QRICH1: variants seen among roughly 807,000 people sequenced by gnomAD.
QRICH1 encodes transcriptional regulator QRICH1.
QRICH1 carries 16 observed loss-of-function variants against 87.1 expected under a neutral mutation model. That is an observed-to-expected ratio of 0.18 (90% confidence interval 0.12 to 0.28). QRICH1 has a LOEUF of 0.28. Among genes scored for constraint, QRICH1 ranks in the 10% least tolerant of loss-of-function variants. The pLI is 1.00. For synonymous variants in QRICH1, 367 were observed against 368.4 expected (o/e 1.00, Z 0.05); for missense variants, 647 against 951.7 (o/e 0.68, Z 4.21).
Position 49,047,541 on chromosome 3 carries a change from T to C in QRICH1, c.1339-295A>G, listed in dbSNP as rs142885537. Among the ~76,000 whole-genome samples, 430 of 146,284 alleles carry C rather than the reference T, an allele frequency of 2.9e-3. 4 individuals carry two copies. Among genetic ancestry groups the C allele is most frequent in the Non-Finnish European group, 4.7e-3 (318 of 67,074 alleles). On this transcript the variant is annotated intron_variant, in intron 3 of 9. Coordinates refer to ENST00000395443, the MANE Select transcript of QRICH1 (RefSeq NM_198880.3). ...TCTTGTTGCTCAGGCTGGAGTGCAA[T>C]GGCGCAATCTCAGCTCACTGCACCC...
At chr3:49,036,677 CA>C (rs2093276750) in intron 6 of QRICH1, among the ~76,000 whole-genome samples, 1 of 127,048 alleles carries the variant, frequency 7.9e-6, no homozygotes. Flanking sequence ...ACTGGCTAAG[CA>C]AAGAAAAAAA....
At chr3:49,032,416 C>T (rs2093246798) in intron 8 of QRICH1, 143 bp from the exon 9 acceptor site, 4 of 842,936 alleles carry the variant, frequency 4.7e-6, no homozygotes, top group Non-Finnish European at 7.5e-6. Context: ...TGGGCAGTGA[C>T]TACTAAGGGA....
chr3:49,043,080 A>G (rs1559928558), intron 6 of QRICH1, among the ~76,000 whole-genome samples: 1 of 152,218 alleles, frequency 6.6e-6, no homozygotes, highest in Non-Finnish European at 1.5e-5. Context: ...CAAATGTACC[A>G]TACTAACGCA....
At chr3:49,031,394 A>G (rs963869826) in intron 9 of QRICH1, among the ~76,000 whole-genome samples, 1 of 152,118 alleles carries the variant, frequency 6.6e-6, no homozygotes, top group African/African-American at 2.4e-5. Context: ...AGTACTTGGC[A>G]TGCTGTATCC....
At chr3:49,087,353 A>G (rs1575386196) in intron 1 of QRICH1, among the ~76,000 whole-genome samples, 1 of 151,956 alleles carries the variant, frequency 6.6e-6, no homozygotes, top group Non-Finnish European at 1.5e-5. Context: ...GGAGTTTGAG[A>G]CCAGCCTAGC....
intron 6 of QRICH1, among the ~76,000 whole-genome samples, chr3:49,035,911 CA>C (rs761180733): frequency 0.015 from 930 of 60,012 alleles, 9 homozygotes; most frequent in African/African-American, 0.042. Context: ...CCCATTTCTA[CA>C]AAAAAAAAAA....
chr3:49,032,137 C>T lies in QRICH1; in HGVS notation c.2138+46G>A, dbSNP rs762337312. 7 of 1,435,224 alleles carry T rather than the reference C, an allele frequency of 4.9e-6. No individual in the cohort carries two copies. In the Admixed American group the frequency reaches 8.4e-5, roughly 17 times the overall value. 88.9% of individuals were successfully genotyped at this position (1,435,224 alleles called of 1,614,324 possible). A position where few individuals can be genotyped will look rare whatever the true frequency, so the allele number is the denominator to read the frequency against. On this transcript the variant is annotated intron_variant, in intron 9 of 9. Transcript: ENST00000395443. ...ACACAAGTGAGCATGCACACGCATA[C>T]ACACACATGCGCACACATGGACAGC...
In QRICH1 at chr3:49,033,159, G is replaced by A; in HGVS notation, c.1856C>T (p.Pro619Leu). The change falls in exon 7 of 10, where the codon CCC (proline) becomes CTC (leucine). Residue 619 changes from proline to leucine, a missense_variant. Pro to Leu is a moderately conservative substitution (Grantham distance 98). Transcript: ENST00000395443. ...CATGAGGGTGGTCAGCAAGGTGGAGGGGGAGTGAGCCCCAAGCTGCTTGCA... is the reference window on the plus strand; with the variant it reads ...CATGAGGGTGGTCAGCAAGGTGGAGAGGGAGTGAGCCCCAAGCTGCTTGCA... Reference protein sequence around the residue: ...WECKQLGAHSPSTLLTTLMFF... With the variant: ...WECKQLGAHSLSTLLTTLMFF... 1 of 1,581,798 alleles carries A rather than the reference G, an allele frequency of 6.3e-7. No individual in the cohort carries two copies. The highest frequency in any genetic ancestry group is 8.6e-7 in the Non-Finnish European group (1 of 1,165,862).
chr3:49,077,880 A>G (rs1347168709), intron 1 of QRICH1, among the ~76,000 whole-genome samples: 1 of 152,224 alleles, frequency 6.6e-6, no homozygotes, highest in Non-Finnish European at 1.5e-5. Context: ...TATCCAGGTC[A>G]CTACTAAAAT....
intron 2 of QRICH1, among the ~76,000 whole-genome samples, chr3:49,059,482 T>C (rs1277845212): frequency 6.9e-6 from 1 of 144,864 alleles, no homozygotes; most frequent in African/African-American, 2.6e-5. Flanking sequence ...TGCAGTAGTA[T>C]GATCTCAGCT....
intron 6 of QRICH1, among the ~76,000 whole-genome samples, chr3:49,038,292 A>C (rs892149897): frequency 6.6e-6 from 1 of 151,838 alleles, no homozygotes; most frequent in Non-Finnish European, 1.5e-5. Flanking sequence ...CGATCTCCTG[A>C]ACTCATGATC....
chr3:49,047,209 G>A lies in QRICH1; in HGVS notation c.1376C>T (p.Ser459Leu). ...TVQVAEVEPQ[S>L]QPQPSPELLL... ...AAGTTCTGGGGAAGGCTGTGGCTGT[G>A]ACTGTGGTTCAACTTCAGCAACCTG... The change falls in exon 4 of 10, where the codon TCA (serine) becomes TTA (leucine). Residue 459 changes from serine to leucine, a missense_variant. By Grantham distance (145) the Ser-to-Leu change is moderately radical. Around this residue, in one of 7 missense-constraint regions of QRICH1, gnomAD observed 187 missense variants for 309.5 expected, o/e 0.60. Transcript: ENST00000395443. The A allele has an allele frequency of 1.2e-6, 2 of 1,614,158 alleles. No individual in the cohort carries two copies. The highest frequency in any genetic ancestry group is 1.7e-5 in the Admixed American group (1 of 60,002).
intron 3 of QRICH1, chr3:49,056,637 A>T: frequency 1.2e-6 from 1 of 815,926 alleles, no homozygotes; most frequent in African/African-American, 1.7e-5. Flanking sequence ...CCAAAACTCC[A>T]AAGCAATTCC....
intron 1 of QRICH1, among the ~76,000 whole-genome samples, chr3:49,082,894 C>CA (rs76269302): frequency 2.7e-3 from 209 of 77,204 alleles, no homozygotes; most frequent in African/African-American, 3.7e-3. Flanking sequence ...GACTGCGTCT[C>CA]AAAAAAAAAA....
chr3:49,066,424 T>C (rs956790418), intron 2 of QRICH1, among the ~76,000 whole-genome samples: 1 of 152,158 alleles, frequency 6.6e-6, no homozygotes, highest in Non-Finnish European at 1.5e-5. Context: ...ATAGCTCATA[T>C]GCTTCATGCT....
intron 2 of QRICH1, among the ~76,000 whole-genome samples, chr3:49,063,247 T>C (rs1245472814): frequency 1.3e-5 from 2 of 152,220 alleles, no homozygotes; most frequent in Non-Finnish European, 1.5e-5. Context: ...ATTATTTCCT[T>C]GCACCAGTGG....
At chr3:49,041,189 T>C (rs2093307787) in intron 6 of QRICH1, among the ~76,000 whole-genome samples, 1 of 151,956 alleles carries the variant, frequency 6.6e-6, no homozygotes, top group African/African-American at 2.4e-5. Flanking sequence ...AGGCTGGTCT[T>C]GAACTCCCGA....
chr3:49,039,348 A>C (rs1398243487), intron 6 of QRICH1, among the ~76,000 whole-genome samples: 2 of 151,720 alleles, frequency 1.3e-5, no homozygotes, highest in Non-Finnish European at 2.9e-5. Context: ...CAGAGTGAGG[A>C]TCTGTCTCAA....
At chr3:49,048,190 T>C (rs1021305509) in intron 3 of QRICH1, among the ~76,000 whole-genome samples, 6 of 151,316 alleles carry the variant, frequency 4.0e-5, no homozygotes, top group Non-Finnish European at 8.8e-5. Flanking sequence ...TGGAGTGCAA[T>C]GGCAGGATCT....
Sources: allele counts gnomAD v4.1 joint callset (sites outside exome capture counted in the v4.1 genomes callset), GRCh38; gene constraint gnomAD v4.1.1; regional missense constraint gnomAD v4.1.1; transcripts MANE v1.5; gene names NCBI Gene and HGNC (gene_info 2026-07-23, HGNC 2026-07-21).